Variants in UBAP2 observed in about 807,000 individuals in gnomAD.
UBAP2 encodes ubiquitin-associated protein 2.
In UBAP2, 75 loss-of-function variants were observed where a neutral mutation model predicts 139.6. That is an observed-to-expected ratio of 0.54 (90% CI 0.45 to 0.65). The LOEUF (loss-of-function observed/expected upper bound fraction) is 0.65, where lower values mean the gene tolerates loss of function less well. Among genes scored for constraint, UBAP2 ranks in the 30% least tolerant of loss-of-function variants. The pLI is 0.00. For synonymous variants in UBAP2, 526 were observed against 526.2 expected (o/e 1.00, Z 0.01); for missense variants, 1,368 against 1,369.6 (o/e 1.00, Z 0.02).
At chr9:34,009,739 T>C (rs1320323440) in intron 2 of UBAP2, among the ~76,000 whole-genome samples, 1 of 151,758 alleles carries the variant, frequency 6.6e-6, no homozygotes, top group Non-Finnish European at 1.5e-5. Context: ...TAAGCCACCA[T>C]GCCCAGCAGG....
intron 6 of UBAP2, among the ~76,000 whole-genome samples, chr9:33,985,833 C>G (rs1294327032): frequency 6.6e-6 from 1 of 151,808 alleles, no homozygotes; most frequent in Non-Finnish European, 1.5e-5. Flanking sequence ...ACCAGCCTGG[C>G]CAACATGGTA....
intron 1 of UBAP2, among the ~76,000 whole-genome samples, chr9:34,044,545 G>A (rs1394311439): frequency 1.3e-5 from 2 of 152,024 alleles, no homozygotes; most frequent in African/African-American, 4.8e-5. Context: ...CTGGGCGACA[G>A]AGAAAGACTG....
rs1822185902 is a variant in UBAP2, at chr9:33,996,223, T to C, written c.288A>G (p.Thr96=). The C allele has an allele frequency of 1.2e-6, 2 of 1,602,740 alleles. No homozygotes were observed. Among genetic ancestry groups the C allele is most frequent in the Middle Eastern group, 1.7e-4 (1 of 6,028 alleles). The part of the protein sequence containing the change: ...INILLEGNSD[T]TSWETVGCKK... ...ATGCAAATCAATTAATAATACTTACTGTGTCTGAATTCCCTTCCAGCAATA... is the reference window on the plus strand; with the variant it reads ...ATGCAAATCAATTAATAATACTTACCGTGTCTGAATTCCCTTCCAGCAATA... The change falls in exon 4 of 29, where the codon ACA becomes ACG. Residue 96 remains threonine (T), a splice_region_variant and synonymous_variant. Transcript: ENST00000379238.
In UBAP2 at chr9:34,009,519, C is replaced by T. The variant is rs541903143; in HGVS notation, c.99+7531G>A. ...AAACAATCCTCCCACCTCAGCCTCC[C>T]AAAGTGTTGAGATTACAGGTGTTAG... On this transcript the variant is annotated intron_variant, in intron 2 of 28. Transcript: ENST00000379238. 1.8e-4 allele frequency among the ~76,000 whole-genome samples: 27 copies of T among 152,146 alleles called. No individual in the cohort carries two copies. The East Asian group carries it at 5.2e-3, about 29-fold the overall frequency.
intron 1 of UBAP2, among the ~76,000 whole-genome samples, chr9:34,046,393 C>T (rs6476434): frequency 0.68 from 103,415 of 151,742 alleles, 35,855 homozygotes; most frequent in East Asian, 0.82. Flanking sequence ...CTCACGCCTG[C>T]AATCCCAGCA....
At chr9:33,988,928 T>G (rs1192131800) in intron 5 of UBAP2, 45 bp downstream of exon 5, 5 of 1,576,538 alleles carry the variant, frequency 3.2e-6, no homozygotes, top group Non-Finnish European at 3.4e-6. Flanking sequence ...GAGGGTCACT[T>G]GAGATGAAAG....
At chr9:33,922,945 C>T (rs559234658) in intron 27 of UBAP2, 21 bp downstream of exon 27, 1 of 1,614,152 alleles carries the variant, frequency 6.2e-7, no homozygotes, top group Admixed American at 1.7e-5. Flanking sequence ...CCTATACACC[C>T]AACCCACCTT....
chr9:34,024,097 G>A (rs773815075), intron 1 of UBAP2, among the ~76,000 whole-genome samples: 3 of 152,044 alleles, frequency 2.0e-5, no homozygotes, highest in Admixed American at 6.6e-5. Flanking sequence ...GGTGGCACAC[G>A]CCTGTAATCC....
chr9:33,954,142 A>G (rs1411336497), intron 11 of UBAP2, among the ~76,000 whole-genome samples: 1 of 152,034 alleles, frequency 6.6e-6, no homozygotes, highest in African/African-American at 2.4e-5. Context: ...CCTGCTCTCA[A>G]GTGAGCTGCC....
chr9:34,043,983 C>T (rs992025797), intron 1 of UBAP2, among the ~76,000 whole-genome samples: 1 of 149,352 alleles, frequency 6.7e-6, no homozygotes, highest in Non-Finnish European at 1.5e-5. Flanking sequence ...CGAAAATTAT[C>T]AGAGCACGGT....
intron 10 of UBAP2, among the ~76,000 whole-genome samples, chr9:33,956,695 C>T (rs1826592911): frequency 6.6e-6 from 1 of 152,002 alleles, no homozygotes; most frequent in Non-Finnish European, 1.5e-5. Context: ...AATGATGAGA[C>T]TAATGGTAAA....
intron 1 of UBAP2, among the ~76,000 whole-genome samples, chr9:34,034,132 T>C (rs895858530): frequency 3.3e-5 from 5 of 152,158 alleles, no homozygotes; most frequent in African/African-American, 9.7e-5. Context: ...CACTCAAATG[T>C]CACAAATTCA....
At chr9:33,990,147 C>G (rs1821576296) in intron 4 of UBAP2, among the ~76,000 whole-genome samples, 1 of 152,042 alleles carries the variant, frequency 6.6e-6, no homozygotes, top group Non-Finnish European at 1.5e-5. Flanking sequence ...AGGGTAGTTA[C>G]AGAGAAATCC....
chr9:34,020,126 G>A (rs1227623689), intron 1 of UBAP2, among the ~76,000 whole-genome samples: 1 of 149,218 alleles, frequency 6.7e-6, no homozygotes, highest in African/African-American at 2.5e-5. Context: ...CTCCAGCTTG[G>A]GTGACAGAGG....
chr9:33,942,494 G>A (rs1446268807), intron 15 of UBAP2, among the ~76,000 whole-genome samples: 1 of 152,122 alleles, frequency 6.6e-6, no homozygotes, highest in African/African-American at 2.4e-5. Flanking sequence ...TTGGGAGGCT[G>A]ATGCAGGCAG....
chr9:34,021,876 C>CT (rs1189739760), intron 1 of UBAP2, among the ~76,000 whole-genome samples: 3 of 152,130 alleles, frequency 2.0e-5, no homozygotes, highest in African/African-American at 7.2e-5. Flanking sequence ...TCGGGTGATC[C>CT]AACCGCCTCA....
intron 1 of UBAP2, among the ~76,000 whole-genome samples, chr9:34,042,060 T>A (rs1362333654): frequency 6.6e-6 from 1 of 151,966 alleles, no homozygotes; most frequent in African/African-American, 2.4e-5. Context: ...ATCTCAAGCA[T>A]GTAAGAGTGA....
In UBAP2 at chr9:33,960,878, C is replaced by T. The variant is rs1564031796; in HGVS notation, c.746G>A (p.Gly249Glu). 9.3e-6 allele frequency: 15 copies of T among 1,613,998 alleles called. No homozygotes were observed. Among genetic ancestry groups the T allele is most frequent in the Non-Finnish European group, 1.3e-5 (15 of 1,179,976 alleles). The change falls in exon 10 of 29, where the codon GGG (glycine) becomes GAG (glutamate). Residue 249 changes from glycine to glutamate, a missense_variant and splice_region_variant. Physicochemically the swap from Gly to Glu is moderately conservative, Grantham distance 98. Coordinates refer to ENST00000379238, the MANE Select transcript of UBAP2 (RefSeq NM_001370062.2). ...LSNKSSYGLK[G>E]AWKNSVEEWT... is the part of the protein sequence containing the mutation. Reference sequence around the variant, plus strand: ...CTCTTCCACAGAATTCTTCCAAGCCCCTGTTGGGAAACAACAGCAATCAAA... The same window carrying T: ...CTCTTCCACAGAATTCTTCCAAGCCTCTGTTGGGAAACAACAGCAATCAAA...
At chr9:33,981,772 TAGGA>T (rs1398423174) in intron 6 of UBAP2, among the ~76,000 whole-genome samples, 7 of 125,036 alleles carry the variant, frequency 5.6e-5, no homozygotes, top group Admixed American at 2.0e-4. Flanking sequence ...GGTAGGTAGG[TAGGA>T]AGGTAGGAAG....
Sources: allele counts gnomAD v4.1 joint callset (sites outside exome capture counted in the v4.1 genomes callset), GRCh38; gene constraint gnomAD v4.1.1; transcripts MANE v1.5; gene names NCBI Gene and HGNC (gene_info 2026-07-23, HGNC 2026-07-21).